The following NOVA2 variants were observed in gnomAD, a reference collection of about 807,000 sequenced individuals.
The protein encoded by NOVA2 is NOVA alternative splicing regulator 2.
A neutral mutation model predicts 22.5 loss-of-function variants in NOVA2; 9 were observed. That is an observed-to-expected ratio of 0.40 (90% CI 0.24 to 0.70). NOVA2 has a LOEUF of 0.70. Ranked by LOEUF, NOVA2 falls within the 30% of genes least tolerant of loss-of-function variation. The pLI is 0.38. For missense variants in NOVA2, 383 were observed against 682.8 expected, an observed-to-expected ratio of 0.56 and a Z score of 4.89; for synonymous variants, 318 against 335.2, an observed-to-expected ratio of 0.95 and a Z score of 0.56.
intron 2 of NOVA2, among the ~76,000 whole-genome samples, chr19:45,955,236 A>C (rs1967987555): frequency 6.6e-6 from 1 of 152,104 alleles, no homozygotes; most frequent in Non-Finnish European, 1.5e-5. Context: ...AAAGAGAGAC[A>C]CACTTCTGGA....
rs142696927 is a variant in NOVA2, at chr19:45,967,899, C to A, written c.85+5368G>T. On this transcript the variant is annotated intron_variant, in intron 1 of 3. Transcript: ENST00000263257. Reference sequence around the variant, plus strand: ...CGGAGGTTGCAATGAGCCGAGATTGCGCCACTGCACTCCAGCCGGGGTCAC... The same window carrying A: ...CGGAGGTTGCAATGAGCCGAGATTGAGCCACTGCACTCCAGCCGGGGTCAC... The A allele has an allele frequency of 3.6e-3, 543 of 151,900 alleles. 4 individuals are homozygous for A. Among genetic ancestry groups the A allele is most frequent in the African/African-American group, 0.013 (523 of 41,348 alleles). 9.4% of individuals were successfully genotyped at this position (151,900 alleles called of 1,614,324 possible).
intron 1 of NOVA2, among the ~76,000 whole-genome samples, chr19:45,970,682 G>A (rs1465968455): frequency 3.9e-5 from 6 of 151,948 alleles, no homozygotes; most frequent in Non-Finnish European, 2.9e-5. Flanking sequence ...AGCCCCTTAT[G>A]GTCATTTTTA....
chr19:45,961,824 G>A (rs1310238315), intron 1 of NOVA2, among the ~76,000 whole-genome samples: 1 of 152,200 alleles, frequency 6.6e-6, no homozygotes, highest in East Asian at 1.9e-4. Context: ...TCAGGATATG[G>A]AGGAAGGAAC....
At chr19:45,970,401 C>G (rs1250861659) in intron 1 of NOVA2, among the ~76,000 whole-genome samples, 6 of 147,774 alleles carry the variant, frequency 4.1e-5, no homozygotes, top group African/African-American at 1.3e-4. Context: ...TTTGAGATGG[C>G]GTTTCGCTCT....
In NOVA2 at chr19:45,934,150, G is replaced by C. The variant is rs1279227610; in HGVS notation, c.*5713C>G. The C allele has an allele frequency of 2.0e-5, 3 of 152,226 alleles. No homozygotes were observed. The highest frequency in any genetic ancestry group is 1.5e-5 in the Non-Finnish European group (1 of 68,074). 9.4% of individuals were successfully genotyped at this position (152,226 alleles called of 1,614,324 possible). A position where few individuals can be genotyped will look rare whatever the true frequency, so the allele number is the denominator to read the frequency against. ...TAATCTAAGGACTGGGGAGAACCAA[G>C]GGACCTTAGAGGTCCTCCAGTCCTC... On this transcript the variant is annotated 3_prime_UTR_variant, in exon 4 of 4. Coordinates refer to ENST00000263257, the MANE Select transcript of NOVA2 (RefSeq NM_002516.4).
At chr19:45,945,818 A>G (rs1967828064) in intron 3 of NOVA2, among the ~76,000 whole-genome samples, 3 of 150,298 alleles carry the variant, frequency 2.0e-5, no homozygotes, top group Admixed American at 2.0e-4. Context: ...GGTCTCCCTG[A>G]CTTTATTATT....
Position 45,940,171 on chromosome 19 carries a change from C to A in NOVA2, c.1171G>T (p.Ala391Ser). The change falls in exon 4 of 4, where the codon GCC becomes TCC. Residue 391 changes from alanine to serine, a missense_variant. By Grantham distance (99) the Ala-to-Ser change is moderately conservative. Transcript: ENST00000263257. ...LVAAAAAAGA[A>S]GGFLTAEKLA... ...TTCTCCGCCGTCAGGAAGCCCCCGG[C>A]CGCCCCGGCCGCGGCTGCAGCGGCC... 2 of 1,593,548 alleles carry A rather than the reference C, an allele frequency of 1.3e-6. No individual in the cohort carries two copies. The highest frequency in any genetic ancestry group is 1.7e-6 in the Non-Finnish European group (2 of 1,175,208).
At chr19:45,961,249 G>T in intron 1 of NOVA2, 96 bp from the exon 2 acceptor site, 1 of 731,670 alleles carries the variant, frequency 1.4e-6, no homozygotes, top group East Asian at 2.7e-5. Flanking sequence ...CACAGTAGCA[G>T]TATGGAGAAT....
chr19:45,958,597 G>C (rs1247404427), intron 2 of NOVA2, among the ~76,000 whole-genome samples: 1 of 151,416 alleles, frequency 6.6e-6, no homozygotes, highest in Non-Finnish European at 1.5e-5. Context: ...GTGTGTGTGA[G>C]CATGACAGTG....
intron 1 of NOVA2, 120 bp downstream of exon 1, chr19:45,973,147 G>T: frequency 4.2e-6 from 1 of 238,844 alleles, no homozygotes; most frequent in Non-Finnish European, 8.1e-6. Context: ...CCCCCGCCTC[G>T]GGGAGGGGTG....
intron 3 of NOVA2, among the ~76,000 whole-genome samples, chr19:45,949,945 T>C (rs1221814748): frequency 6.6e-6 from 1 of 151,948 alleles, no homozygotes; most frequent in African/African-American, 2.4e-5. Context: ...TTCACCATGT[T>C]GGCCAGGCTG....
intron 3 of NOVA2, among the ~76,000 whole-genome samples, chr19:45,953,091 C>A (rs1290314837): frequency 6.6e-6 from 1 of 152,218 alleles, no homozygotes; most frequent in African/African-American, 2.4e-5. Context: ...TACGCACTTC[C>A]GGGTCCGGAC....
At position 45,939,635 on chromosome 19, in the gene NOVA2, A is replaced by T; in HGVS notation, c.*228T>A. 3.7e-6 allele frequency: 2 copies of T among 547,332 alleles called. No individual in the cohort carries two copies. Among genetic ancestry groups the T allele is most frequent in the Non-Finnish European group, 6.5e-6 (2 of 308,292 alleles). The allele number at this position is 547,332 out of a possible 1,614,324, so 33.9% of individuals were successfully genotyped here. A position where few individuals can be genotyped will look rare whatever the true frequency, so the allele number is the denominator to read the frequency against. On this transcript the variant is annotated 3_prime_UTR_variant, in exon 4 of 4. Coordinates refer to ENST00000263257, the MANE Select transcript of NOVA2 (RefSeq NM_002516.4). ...CCCAGCCAAGCACAGGGAGGGAGGA[A>T]GGAGGGGTCAGTTCCGGGCTGGGGA... is the stretch of plus-strand genomic sequence containing the variant.
At chr19:45,943,355 C>T (rs1299572302) in intron 3 of NOVA2, among the ~76,000 whole-genome samples, 1 of 151,524 alleles carries the variant, frequency 6.6e-6, no homozygotes, top group East Asian at 2.0e-4. Context: ...CGCACCCAGA[C>T]ACTATATGAC....
chr19:45,969,509 G>GAAAAAA (rs397946088), intron 1 of NOVA2, among the ~76,000 whole-genome samples: 2 of 40,546 alleles, frequency 4.9e-5, no homozygotes, highest in Non-Finnish European at 7.7e-5. Context: ...CCCTGTCTCA[G>GAAAAAA]AAAAAAAAAA....
At chr19:45,959,647 T>C (rs1358509457) in intron 2 of NOVA2, among the ~76,000 whole-genome samples, 1 of 150,434 alleles carries the variant, frequency 6.6e-6, no homozygotes, top group Non-Finnish European at 1.5e-5. Context: ...CTAAACCTCT[T>C]GCCAAAGCTG....
chr19:45,951,796 C>T (rs1215137720), intron 3 of NOVA2, among the ~76,000 whole-genome samples: 1 of 151,828 alleles, frequency 6.6e-6, no homozygotes, highest in Admixed American at 6.6e-5. Context: ...GACTCTGCCT[C>T]AGACTAATAT....
At position 45,944,015 on chromosome 19, in the gene NOVA2, T is replaced by A. The variant is rs146612432; in HGVS notation, c.397-3070A>T. On this transcript the variant is annotated intron_variant, in intron 3 of 3. Transcript: ENST00000263257. Reference sequence around the variant, plus strand: ...GCGTCAGTAGCAACAGCATTTGTATTATTTAAGTCTCCAGTATTATACTCT... The same window carrying A: ...GCGTCAGTAGCAACAGCATTTGTATAATTTAAGTCTCCAGTATTATACTCT... Among the ~76,000 whole-genome samples, 1,027 of 152,344 alleles carry A rather than the reference T, an allele frequency of 6.7e-3. 29 individuals are homozygous for A. Among genetic ancestry groups the A allele is most frequent in the East Asian group, 0.06 (313 of 5,188 alleles).
rs1555805905 is a variant in NOVA2 at position 45,958,530 on chromosome 19, AGTGTGTGTGACT to A, written c.229+2468_229+2479del. Among the ~76,000 whole-genome samples, 41 of 134,360 alleles carry A rather than the reference AGTGTGTGTGACT, an allele frequency of 3.1e-4. 1 individual carries two copies. The South Asian group carries it at 9.1e-3, about 30-fold the overall frequency. The allele number at this position is 134,360 out of a possible 152,430, so 88.1% of individuals were successfully genotyped here. A position where few individuals can be genotyped will look rare whatever the true frequency, so the allele number is the denominator to read the frequency against. Reference sequence around the variant, plus strand: ...GTAAGCATGTGTGACAATGTGTGACAGTGTGTGTGACTGTGTGTAAGCGTGTGTGTGGGTGTG... The same window carrying A: ...GTAAGCATGTGTGACAATGTGTGACAGTGTGTAAGCGTGTGTGTGGGTGTG... On this transcript the variant is annotated intron_variant, in intron 2 of 3. Coordinates refer to ENST00000263257, the MANE Select transcript of NOVA2 (RefSeq NM_002516.4).
Sources: gnomAD v4.1 joint callset for allele counts (sites outside exome capture counted in the v4.1 genomes callset) on GRCh38, gnomAD v4.1.1 for gene constraint, MANE v1.5 for transcripts, NCBI Gene and HGNC (gene_info 2026-07-23, HGNC 2026-07-21) for gene names.